USH2A: variants seen among roughly 807,000 people sequenced by gnomAD.
USH2A encodes usherin.
USH2A carries 443 observed loss-of-function variants against 538.9 expected under a neutral mutation model. That is an observed-to-expected ratio of 0.82 (90% CI 0.76 to 0.89). USH2A has a LOEUF of 0.89. USH2A is among the 40% of genes least tolerant of loss of function. The pLI is 0.00. For missense variants in USH2A, 6,633 were observed against 6,324.8 expected (o/e 1.05, Z -1.65); for synonymous variants, 2,413 against 2,273.5 (o/e 1.06, Z -1.75).
chr1:215,900,669 G>T (rs1000925989), intron 39 of USH2A, 86 bp downstream of exon 39: 1 of 1,556,630 alleles, frequency 6.4e-7, no homozygotes. Context: ...TATATTTTTT[G>T]CAAATGAGAA....
chr1:215,756,898 G>A (rs1018223710), intron 58 of USH2A, among the ~76,000 whole-genome samples: 9 of 151,718 alleles, frequency 5.9e-5, no homozygotes, highest in Non-Finnish European at 7.4e-5. Flanking sequence ...GGGTGACAGA[G>A]AGAGAGACCC....
intron 70 of USH2A, among the ~76,000 whole-genome samples, chr1:215,632,176 C>T (rs767978072): frequency 6.6e-6 from 1 of 152,080 alleles, no homozygotes; most frequent in East Asian, 1.9e-4. Flanking sequence ...CATTCTCCTG[C>T]CTCAACCTCC....
chr1:216,285,218 A>C (rs1215943560), intron 11 of USH2A, among the ~76,000 whole-genome samples: 8 of 152,264 alleles, frequency 5.3e-5, no homozygotes, highest in Non-Finnish European at 7.4e-5. Flanking sequence ...GGAGGAAAAA[A>C]TGGTCCCATG....
intron 35 of USH2A, among the ~76,000 whole-genome samples, chr1:215,992,395 T>C (rs1668022200): frequency 6.6e-6 from 1 of 152,170 alleles, no homozygotes; most frequent in Non-Finnish European, 1.5e-5. Context: ...TGAGATTTTA[T>C]TTTAGTGAAA....
intron 32 of USH2A, among the ~76,000 whole-genome samples, chr1:216,010,998 C>G (rs1286707318): frequency 1.3e-5 from 2 of 152,132 alleles, no homozygotes; most frequent in Non-Finnish European, 2.9e-5. Flanking sequence ...TATCCCACCT[C>G]ACAGCATGCT....
rs569593144 is a variant in USH2A, at chr1:216,200,968, C to A, written c.3317-847G>T. Among the ~76,000 whole-genome samples the A allele has an allele frequency of 1.0e-3, 107 of 105,060 alleles. 6 individuals are homozygous for A. In the South Asian group the frequency reaches 0.014, roughly 13 times the overall value. 68.9% of individuals were successfully genotyped at this position (105,060 alleles called of 152,430 possible). Reference sequence around the variant, plus strand: ...TGTGCTTCCCCTTCCCCTTCCCCTCCCCCCATCCATCCCTCCCTCCCTCCC... The same window carrying A: ...TGTGCTTCCCCTTCCCCTTCCCCTCACCCCATCCATCCCTCCCTCCCTCCC... On this transcript the variant is annotated intron_variant, in intron 16 of 71. Coordinates refer to ENST00000307340, the MANE Select transcript of USH2A (RefSeq NM_206933.4).
chr1:216,336,578 TG>T (rs1183381823), intron 4 of USH2A, among the ~76,000 whole-genome samples: 1 of 151,536 alleles, frequency 6.6e-6, no homozygotes, highest in Non-Finnish European at 1.5e-5. Context: ...GCATACCTAC[TG>T]CATTTCAGTA....
chr1:216,361,719 A>T (rs2038494448), intron 4 of USH2A, among the ~76,000 whole-genome samples: 1 of 152,230 alleles, frequency 6.6e-6, no homozygotes, highest in African/African-American at 2.4e-5. Context: ...CAAAACTAAC[A>T]GTTGATAAGG....
At chr1:215,726,201 G>T (rs1293642897) in intron 61 of USH2A, among the ~76,000 whole-genome samples, 3 of 152,116 alleles carry the variant, frequency 2.0e-5, no homozygotes, top group Admixed American at 1.3e-4. Context: ...GAGTTTGAAG[G>T]ATATGGTGGG....
At chr1:216,032,952 G>A (rs1056326038) in intron 32 of USH2A, among the ~76,000 whole-genome samples, 2 of 152,084 alleles carry the variant, frequency 1.3e-5, no homozygotes, top group Admixed American at 6.5e-5. Flanking sequence ...CCCTAATTAC[G>A]AACCCAATTA....
chr1:216,250,640 C>A (rs2036140102), intron 12 of USH2A, among the ~76,000 whole-genome samples: 1 of 152,102 alleles, frequency 6.6e-6, no homozygotes, highest in African/African-American at 2.4e-5. Flanking sequence ...TTTTCTATGA[C>A]TTATTAGTAT....
rs1662212818 is a variant in USH2A at position 215,798,805 on chromosome 1, G to C, written c.9958+102C>G. 5.3e-6 allele frequency: 7 copies of C among 1,321,130 alleles called. No homozygotes were observed. The East Asian group carries it at 1.7e-4, about 31-fold the overall frequency. 81.8% of individuals were successfully genotyped at this position (1,321,130 alleles called of 1,614,324 possible). A position where few individuals can be genotyped will look rare whatever the true frequency, so the allele number is the denominator to read the frequency against. On this transcript the variant is annotated intron_variant, in intron 50 of 71. Coordinates refer to ENST00000307340, the MANE Select transcript of USH2A (RefSeq NM_206933.4). ...AATTATTGCATTAGATATAACCAATGTGAGCTTTAATTACTTATTTGTTTT... is the reference window on the plus strand; with the variant it reads ...AATTATTGCATTAGATATAACCAATCTGAGCTTTAATTACTTATTTGTTTT...
Position 215,754,144 on chromosome 1 carries a change from T to C in USH2A, c.11389+4451A>G, listed in dbSNP as rs376195573. On this transcript the variant is annotated intron_variant, in intron 58 of 71. Transcript: ENST00000307340. Reference sequence around the variant, plus strand: ...GATAATGATATTATTACCTGTCTTCTAGCGTTTGCATAAAAATTAACTGAG... The same window carrying C: ...GATAATGATATTATTACCTGTCTTCCAGCGTTTGCATAAAAATTAACTGAG... Among the ~76,000 whole-genome samples the C allele has an allele frequency of 7.2e-5, 11 of 152,324 alleles. No homozygotes were observed. In the East Asian group the frequency reaches 2.1e-3, roughly 29 times the overall value.
At chr1:215,701,425 G>A (rs1000339192) in intron 61 of USH2A, among the ~76,000 whole-genome samples, 2 of 152,158 alleles carry the variant, frequency 1.3e-5, no homozygotes, top group Non-Finnish European at 2.9e-5. Context: ...GGGTGTTAAA[G>A]TCTCTCACTA....
chr1:215,778,201 A>G (rs11120627), intron 55 of USH2A, among the ~76,000 whole-genome samples: 18,639 of 152,034 alleles, frequency 0.12, 1,261 homozygotes, highest in African/African-American at 0.13. Context: ...ACAGATGCAC[A>G]CCACCATGCC....
At chr1:216,412,347 T>C (rs1306858728) in intron 3 of USH2A, among the ~76,000 whole-genome samples, 5 of 152,146 alleles carry the variant, frequency 3.3e-5, no homozygotes, top group Non-Finnish European at 7.4e-5. Context: ...TCTTCCATAA[T>C]AAAGTAGGAA....
chr1:215,749,026 G>A (rs571494576), intron 58 of USH2A, among the ~76,000 whole-genome samples: 140 of 152,216 alleles, frequency 9.2e-4, no homozygotes, highest in African/African-American at 3.3e-3. Context: ...ATTCATTCAA[G>A]TTAATGTCTT....
At chr1:216,003,098 G>A (rs1040644892) in intron 32 of USH2A, among the ~76,000 whole-genome samples, 3 of 152,174 alleles carry the variant, frequency 2.0e-5, no homozygotes, top group African/African-American at 4.8e-5. Flanking sequence ...GGAAGTGTCC[G>A]TTTCTATAAC....
chr1:216,020,499 T>A (rs1022087135), intron 32 of USH2A, among the ~76,000 whole-genome samples: 1 of 152,108 alleles, frequency 6.6e-6, no homozygotes, highest in African/African-American at 2.4e-5. Flanking sequence ...TAAGAAGATA[T>A]TTGGTCTTTG....
Sources: gnomAD v4.1 joint callset for allele counts (sites outside exome capture counted in the v4.1 genomes callset) on GRCh38, gnomAD v4.1.1 for gene constraint, MANE v1.5 for transcripts, NCBI Gene and HGNC (gene_info 2026-07-23, HGNC 2026-07-21) for gene names.